ENOX1: variants seen among roughly 807,000 people sequenced by gnomAD.
The protein encoded by ENOX1 is candidate growth-related and time keeping constitutive hydroquinone (NADH) oxidase.
In ENOX1, 42 loss-of-function variants were observed where a neutral mutation model predicts 82.5. The observed-to-expected ratio is 0.51, with a 90% confidence interval of 0.40 to 0.66. The LOEUF (loss-of-function observed/expected upper bound fraction) is 0.66. Ranked by LOEUF, ENOX1 falls within the 30% of genes least tolerant of loss-of-function variation. ENOX1 has a pLI of 0.00. For missense variants in ENOX1, 608 were observed against 811.6 expected, an observed-to-expected ratio of 0.75 and a Z score of 3.05; for synonymous variants, 271 against 282.2, an observed-to-expected ratio of 0.96 and a Z score of 0.40.
At chr13:43,783,817 T>C (rs1449633766) in intron 1 of ENOX1, among the ~76,000 whole-genome samples, 3 of 152,144 alleles carry the variant, frequency 2.0e-5, no homozygotes, top group Non-Finnish European at 4.4e-5. Flanking sequence ...TAATTCTTAT[T>C]ATAATAAAAC....
chr13:43,665,437 A>T (rs1185192218), intron 2 of ENOX1, among the ~76,000 whole-genome samples: 1 of 152,212 alleles, frequency 6.6e-6, no homozygotes, highest in Non-Finnish European at 1.5e-5. Flanking sequence ...ATGCATAAAG[A>T]AGGAAGAAGA....
chr13:43,426,302 T>C (rs144438270), intron 3 of ENOX1, among the ~76,000 whole-genome samples: 126 of 152,348 alleles, frequency 8.3e-4, no homozygotes, highest in Admixed American at 1.6e-3. Flanking sequence ...TGCAATTTCA[T>C]GTTAGCTTAG....
chr13:43,360,680 TA>T (rs34460930), intron 6 of ENOX1, among the ~76,000 whole-genome samples: 1 of 125,294 alleles, frequency 8.0e-6, no homozygotes, highest in Non-Finnish European at 1.7e-5. Flanking sequence ...AAAGTCCACT[TA>T]AAAAAGGCAA....
At chr13:43,749,027 G>A (rs1312497442) in intron 1 of ENOX1, among the ~76,000 whole-genome samples, 1 of 152,160 alleles carries the variant, frequency 6.6e-6, no homozygotes, top group East Asian at 1.9e-4. Flanking sequence ...CCATAGGGTT[G>A]TTATGAAGGT....
intron 16 of ENOX1, among the ~76,000 whole-genome samples, 177 bp from the exon 17 acceptor site, chr13:43,214,298 T>G (rs1248705432): frequency 6.6e-6 from 1 of 152,080 alleles, no homozygotes; most frequent in African/African-American, 2.4e-5. Flanking sequence ...TTATCCCACC[T>G]CCCGAGCAGC....
intron 12 of ENOX1, among the ~76,000 whole-genome samples, chr13:43,298,066 G>A (rs935137840): frequency 6.6e-6 from 1 of 152,194 alleles, no homozygotes; most frequent in Admixed American, 6.5e-5. Context: ...TTGCCATGGG[G>A]CTATATTTCA....
intron 15 of ENOX1, among the ~76,000 whole-genome samples, chr13:43,236,134 C>G (rs1041453298): frequency 2.6e-5 from 4 of 152,160 alleles, no homozygotes; most frequent in African/African-American, 9.7e-5. Flanking sequence ...GACAGGGAAG[C>G]CTGAAGCCGA....
chr13:43,438,770 T>C (rs1218925669), intron 3 of ENOX1, among the ~76,000 whole-genome samples: 4 of 152,158 alleles, frequency 2.6e-5, no homozygotes, highest in African/African-American at 9.7e-5. Context: ...ATATGCTTGG[T>C]CTTCACCCCC....
At chr13:43,552,135 A>C (rs2079224132) in intron 2 of ENOX1, among the ~76,000 whole-genome samples, 1 of 152,086 alleles carries the variant, frequency 6.6e-6, no homozygotes, top group Non-Finnish European at 1.5e-5. Context: ...ACTTAAGAAA[A>C]AAAATGCTTG....
At chr13:43,308,172 G>A (rs531307994) in intron 11 of ENOX1, among the ~76,000 whole-genome samples, 14 of 151,998 alleles carry the variant, frequency 9.2e-5, no homozygotes, top group South Asian at 2.1e-4. Flanking sequence ...TTTTCAAGCC[G>A]CCCTTTTTTC....
chr13:43,512,822 C>T (rs953463611), intron 2 of ENOX1, among the ~76,000 whole-genome samples: 20 of 152,094 alleles, frequency 1.3e-4, no homozygotes. Context: ...GATCCTGCCT[C>T]ATGAGGTCAG....
chr13:43,407,109 G>C (rs1169257595), intron 5 of ENOX1, among the ~76,000 whole-genome samples: 2 of 152,190 alleles, frequency 1.3e-5, no homozygotes, highest in Non-Finnish European at 2.9e-5. Flanking sequence ...TACAGGAAGA[G>C]AGCAGCTGGT....
rs773538285 is a variant in ENOX1 at position 43,416,314 on chromosome 13, G to A, written c.-74-3326C>T. On this transcript the variant is annotated intron_variant, in intron 3 of 16. Coordinates refer to ENST00000690772, the MANE Select transcript of ENOX1 (RefSeq NM_001347969.2). Reference sequence around the variant, plus strand: ...AGAGATGCTCCCCACTTCCCAGACGGGGCGGCCGGGCAGAGGCGCTCCTCA... The same window carrying A: ...AGAGATGCTCCCCACTTCCCAGACGAGGCGGCCGGGCAGAGGCGCTCCTCA... 6.7e-3 allele frequency among the ~76,000 whole-genome samples: 987 copies of A among 147,392 alleles called. 1 individual carries two copies. Among genetic ancestry groups the A allele is most frequent in the African/African-American group, 0.02 (780 of 39,572 alleles).
chr13:43,523,165 A>G (rs187864259), intron 2 of ENOX1, among the ~76,000 whole-genome samples: 170 of 152,254 alleles, frequency 1.1e-3, no homozygotes, highest in Non-Finnish European at 1.8e-3. Context: ...TTATTCTCAA[A>G]AGGTGGGCTC....
At chr13:43,642,783 T>C (rs967746628) in intron 2 of ENOX1, among the ~76,000 whole-genome samples, 3 of 152,226 alleles carry the variant, frequency 2.0e-5, no homozygotes, top group Non-Finnish European at 4.4e-5. Context: ...TGCTATAGCC[T>C]CAACTACTCT....
intron 2 of ENOX1, among the ~76,000 whole-genome samples, chr13:43,596,001 A>C (rs1037279806): frequency 6.6e-6 from 1 of 152,222 alleles, no homozygotes; most frequent in Non-Finnish European, 1.5e-5. Context: ...ATCATATGGA[A>C]AGGCAACTGA....
intron 2 of ENOX1, among the ~76,000 whole-genome samples, chr13:43,505,527 A>G (rs900526085): frequency 4.6e-5 from 7 of 152,014 alleles, no homozygotes; most frequent in African/African-American, 1.7e-4. Context: ...AAGATAAAGA[A>G]GTCTGCAATC....
At chr13:43,490,923 C>T (rs572977837) in intron 2 of ENOX1, among the ~76,000 whole-genome samples, 2 of 152,326 alleles carry the variant, frequency 1.3e-5, no homozygotes, top group African/African-American at 4.8e-5. Flanking sequence ...CACTATTTTC[C>T]ATTCATTCCA....
chr13:43,702,469 G>A (rs1001333631), intron 1 of ENOX1, among the ~76,000 whole-genome samples: 8 of 152,136 alleles, frequency 5.3e-5, no homozygotes, highest in Non-Finnish European at 1.2e-4. Context: ...GAAAACTACT[G>A]GCAGGCAAAT....
Sources: gnomAD v4.1 joint callset for allele counts (sites outside exome capture counted in the v4.1 genomes callset) on GRCh38, gnomAD v4.1.1 for gene constraint, MANE v1.5 for transcripts, NCBI Gene and HGNC (gene_info 2026-07-23, HGNC 2026-07-21) for gene names.